GPR161: variants seen among roughly 807,000 people sequenced by gnomAD.
The protein encoded by GPR161 is G-protein coupled receptor RE2.
Under a neutral mutation model 39.2 loss-of-function variants are expected in GPR161, and 25 were observed. That is an observed-to-expected ratio of 0.64 (90% CI 0.47 to 0.89). GPR161 has a LOEUF of 0.89. GPR161 is among the 40% of genes least tolerant of loss of function. The pLI is 0.00. For missense variants in GPR161, 547 were observed against 677.8 expected, an observed-to-expected ratio of 0.81 and a Z score of 2.14; for synonymous variants, 286 against 276.6, an observed-to-expected ratio of 1.03 and a Z score of -0.34.
Position 168,084,884 on chromosome 1 carries a change from G to C in GPR161, c.*647C>G, listed in dbSNP as rs114597542. ...TTGTCAGTAGGGAAGTAGGCAGGGT[G>C]GGCCAGTCTGCAAGAGGCCTGTGGC... On this transcript the variant is annotated 3_prime_UTR_variant, in exon 6 of 6. Transcript: ENST00000682931. 2.1e-3 allele frequency: 974 copies of C among 456,256 alleles called. 8 individuals carry two copies. The highest frequency in any genetic ancestry group is 0.017 in the African/African-American group (865 of 50,174). 28.3% of individuals were successfully genotyped at this position (456,256 alleles called of 1,614,324 possible).
chr1:168,134,875 T>C lies in GPR161; in HGVS notation c.-45+1864A>G. 2.0e-6 allele frequency: 3 copies of C among 1,530,048 alleles called. 1 individual carries two copies. The highest frequency in any genetic ancestry group is 2.4e-5 in the South Asian group (2 of 83,948). The allele number at this position is 1,530,048 out of a possible 1,614,324, so 94.8% of individuals were successfully genotyped here. On this transcript the variant is annotated intron_variant, in intron 1 of 5. Transcript: ENST00000682931. ...CTCAGGCTTCCTGACTGGTCCCTGC[T>C]GGCAGTGGAGTTTACACCACAGAAC...
intron 4 of GPR161, chr1:168,088,803 C>T (rs752962670): frequency 2.6e-5 from 4 of 152,248 alleles, no homozygotes; most frequent in Non-Finnish European, 4.4e-5. Context: ...CATGCTCTTT[C>T]TTCTGCCTAC....
chr1:168,096,674 C>T lies in GPR161; in HGVS notation c.933G>A (p.Trp311Ter). 1 of 1,614,126 alleles carries T rather than the reference C, an allele frequency of 6.2e-7. No homozygotes were observed. Among genetic ancestry groups the T allele is most frequent in the Non-Finnish European group, 8.5e-7 (1 of 1,180,002 alleles). The change falls in exon 3 of 6, where the codon TGG becomes TGA. Residue 311 changes from tryptophan (W) to a stop codon, truncating the protein, a stop_gained. Transcript: ENST00000682931. LOFTEE classifies it high-confidence loss of function. ...VSPSLETWAT[W>*]LSFASAVCHP... ...GGCAGACAGCGCTGGCAAAGGACAG[C>T]CATGTGGCCCAAGTCTCCAGGCTCG...
intron 3 of GPR161, among the ~76,000 whole-genome samples, chr1:168,095,599 G>A (rs114900016): frequency 0.011 from 1,647 of 152,298 alleles, 18 homozygotes; most frequent in Non-Finnish European, 0.015. Flanking sequence ...AGCCTCACAC[G>A]TACAAGGCCA....
chr1:168,115,279 A>T (rs910925024), intron 1 of GPR161, among the ~76,000 whole-genome samples: 4 of 152,016 alleles, frequency 2.6e-5, no homozygotes, highest in Admixed American at 2.0e-4. Flanking sequence ...GGTTTCTATC[A>T]CTTGCAACTT....
At chr1:168,099,724 G>T (rs899778984) in intron 2 of GPR161, among the ~76,000 whole-genome samples, 1 of 151,954 alleles carries the variant, frequency 6.6e-6, no homozygotes, top group Non-Finnish European at 1.5e-5. Context: ...GTGAAGCTGG[G>T]TGCTGGCTCA....
At position 168,110,924 on chromosome 1, in the gene GPR161, C is replaced by CAAA. The variant is rs34703966; in HGVS notation, c.-44-6033_-44-6031dup. On this transcript the variant is annotated intron_variant, in intron 1 of 5. Transcript: ENST00000682931. ...GGGAGACAAGAGCAAAACTCTATCT[C>CAAA]AAAAAAAAAAAAAGGGAAAAGAACT... Among the ~76,000 whole-genome samples, 7 of 131,660 alleles carry CAAA rather than the reference C, an allele frequency of 5.3e-5. No homozygotes were observed. The East Asian group carries it at 1.2e-3, about 22-fold the overall frequency. The allele number at this position is 131,660 out of a possible 152,430, so 86.4% of individuals were successfully genotyped here.
rs1489774319 is a variant in GPR161 at position 168,084,023 on chromosome 1, AGAG to A, written c.*1505_*1507del. The stretch of plus-strand genomic sequence containing the variant: ...ATGATGCAGGCCAAGGGCAGACGCA[AGAG>A]GAGATCAGTGGCTTCCCAAGTCATC... On this transcript the variant is annotated 3_prime_UTR_variant, in exon 6 of 6. Coordinates refer to ENST00000682931, the MANE Select transcript of GPR161 (RefSeq NM_001375883.1). 1.3e-5 allele frequency: 2 copies of A among 152,882 alleles called. No individual in the cohort carries two copies. Among genetic ancestry groups the A allele is most frequent in the Non-Finnish European group, 1.5e-5 (1 of 68,452 alleles). 9.5% of individuals were successfully genotyped at this position (152,882 alleles called of 1,614,324 possible). A position where few individuals can be genotyped will look rare whatever the true frequency, so the allele number is the denominator to read the frequency against.
chr1:168,103,453 T>C (rs982387485), intron 2 of GPR161, among the ~76,000 whole-genome samples: 4 of 150,744 alleles, frequency 2.7e-5, no homozygotes, highest in Admixed American at 2.0e-4. Flanking sequence ...GAGAAGCTAA[T>C]TGATTTGTTT....
chr1:168,103,870 C>T (rs1362468948), intron 2 of GPR161, among the ~76,000 whole-genome samples: 1 of 152,234 alleles, frequency 6.6e-6, no homozygotes, highest in Non-Finnish European at 1.5e-5. Flanking sequence ...CAGCATAATG[C>T]GGGACCCTGA....
chr1:168,114,995 G>A (rs752901374), intron 1 of GPR161, among the ~76,000 whole-genome samples: 3 of 152,106 alleles, frequency 2.0e-5, no homozygotes, highest in Non-Finnish European at 2.9e-5. Context: ...GATTTTGTCC[G>A]GAAGCGTTGG....
At chr1:168,135,989 C>G (rs923615315) in intron 1 of GPR161, 35 of 1,195,188 alleles carry the variant, frequency 2.9e-5, no homozygotes, top group Non-Finnish European at 3.4e-5. Flanking sequence ...CTCCGGGAAG[C>G]ACAGGACACA....
chr1:168,136,692 G>T (rs1326650630), intron 1 of GPR161, 47 bp downstream of exon 1: 10 of 1,087,280 alleles, frequency 9.2e-6, no homozygotes, highest in Non-Finnish European at 1.1e-5. Context: ...CATCCGGACC[G>T]CCCTCTCCGC....
chr1:168,086,368 G>A (rs1007747887), intron 5 of GPR161, among the ~76,000 whole-genome samples: 11 of 152,208 alleles, frequency 7.2e-5, no homozygotes, highest in Admixed American at 2.0e-4. Context: ...AGAGGGGGGA[G>A]CCCTTCAATT....
At chr1:168,099,049 C>T (rs568055439) in intron 2 of GPR161, among the ~76,000 whole-genome samples, 1 of 152,300 alleles carries the variant, frequency 6.6e-6, no homozygotes, top group South Asian at 2.1e-4. Flanking sequence ...GGAAAAGGCC[C>T]GGATGGTGCC....
chr1:168,087,893 A>G, intron 4 of GPR161, 189 bp from the exon 5 acceptor site: 1 of 552,718 alleles, frequency 1.8e-6, no homozygotes, highest in Non-Finnish European at 3.1e-6. Flanking sequence ...GAGTTTGCAG[A>G]CAGCCGGTGG....
chr1:168,109,924 C>G (rs1453969877), intron 1 of GPR161, among the ~76,000 whole-genome samples: 1 of 152,152 alleles, frequency 6.6e-6, no homozygotes, highest in Non-Finnish European at 1.5e-5. Context: ...CGAGATCGCA[C>G]CACTGCACTC....
intron 1 of GPR161, among the ~76,000 whole-genome samples, chr1:168,129,530 AC>A: frequency 6.6e-6 from 1 of 152,212 alleles, no homozygotes; most frequent in Admixed American, 6.5e-5. Flanking sequence ...GGAGGCAGGG[AC>A]CCCAGTTAGG....
chr1:168,117,505 C>A (rs4657734), intron 1 of GPR161, among the ~76,000 whole-genome samples: 2 of 151,846 alleles, frequency 1.3e-5, no homozygotes, highest in Admixed American at 6.6e-5. Flanking sequence ...ACTTAACCCC[C>A]CCCTGCATCA....
Sources: gnomAD v4.1 joint callset for allele counts (sites outside exome capture counted in the v4.1 genomes callset) on GRCh38, gnomAD v4.1.1 for gene constraint, MANE v1.5 for transcripts, NCBI Gene and HGNC (gene_info 2026-07-23, HGNC 2026-07-21) for gene names.